Variants in CAMTA1 observed in about 807,000 individuals in gnomAD.
CAMTA1 encodes the protein calmodulin-binding transcription activator 1.
A neutral mutation model predicts 170.9 loss-of-function variants in CAMTA1; 27 were observed. The observed-to-expected ratio is 0.16, with a 90% confidence interval of 0.12 to 0.22. The LOEUF is 0.22. Among genes scored for constraint, CAMTA1 ranks in the 10% least tolerant of loss-of-function variants. CAMTA1 has a pLI of 1.00. For missense variants in CAMTA1, 1,619 were observed against 2,217.2 expected, an observed-to-expected ratio of 0.73 and a Z score of 5.42; for synonymous variants, 833 against 891.5, an observed-to-expected ratio of 0.93 and a Z score of 1.17.
chr1:7,373,366 C>A (rs1304686997), intron 5 of CAMTA1, among the ~76,000 whole-genome samples: 1 of 152,226 alleles, frequency 6.6e-6, no homozygotes, highest in Non-Finnish European at 1.5e-5. Context: ...GATTTCAGTT[C>A]CCCCAGCCCC....
At position 7,108,384 on chromosome 1, in the gene CAMTA1, G is replaced by C. The variant is rs148656837; in HGVS notation, c.302+17013G>C. 1.8e-3 allele frequency among the ~76,000 whole-genome samples: 281 copies of C among 152,324 alleles called. 1 individual carries two copies. The highest frequency in any genetic ancestry group is 6.5e-3 in the African/African-American group (269 of 41,566). ...GGCTTAGTGTCATTGGTGTATTCAT[G>C]ATGATGATCTCCCCAGGAATCTGTT... On this transcript the variant is annotated intron_variant, in intron 4 of 22. Transcript: ENST00000303635.
At position 7,481,574 on chromosome 1, in the gene CAMTA1, A is replaced by G. The variant is rs540781538; in HGVS notation, c.510+13673A>G. 5.9e-5 allele frequency among the ~76,000 whole-genome samples: 9 copies of G among 152,254 alleles called. No homozygotes were observed. The South Asian group carries it at 1.7e-3, about 28-fold the overall frequency. On this transcript the variant is annotated intron_variant, in intron 6 of 22. Transcript: ENST00000303635. ...GTTCCTCCCTCCCCAGCATTTTATG[A>G]TGAAATGTTTATGATATACAGAAAA... is the stretch of plus-strand genomic sequence containing the variant.
chr1:6,864,898 T>G (rs920741108), intron 3 of CAMTA1, among the ~76,000 whole-genome samples: 3 of 152,196 alleles, frequency 2.0e-5, no homozygotes, highest in African/African-American at 7.2e-5. Context: ...TGTGTGTCCC[T>G]GTTACCTGTA....
chr1:6,819,985 C>T (rs909615816), intron 1 of CAMTA1, among the ~76,000 whole-genome samples, 196 bp from the exon 2 acceptor site: 1 of 152,124 alleles, frequency 6.6e-6, no homozygotes, highest in African/African-American at 2.4e-5. Flanking sequence ...AGTTTTCAGT[C>T]CTTTTAGACT....
intron 4 of CAMTA1, among the ~76,000 whole-genome samples, chr1:7,189,260 G>C (rs567863168): frequency 6.6e-6 from 1 of 152,248 alleles, no homozygotes; most frequent in South Asian, 2.1e-4. Flanking sequence ...ATGCCACACA[G>C]AGATTGGAAA....
chr1:7,149,921 C>T (rs1334303798), intron 4 of CAMTA1, among the ~76,000 whole-genome samples: 1 of 152,212 alleles, frequency 6.6e-6, no homozygotes, highest in Non-Finnish European at 1.5e-5. Flanking sequence ...GCCCTGCCTT[C>T]CTTGCCGTAC....
At chr1:7,016,319 G>A (rs1342368337) in intron 3 of CAMTA1, among the ~76,000 whole-genome samples, 1 of 152,154 alleles carries the variant, frequency 6.6e-6, no homozygotes, top group Non-Finnish European at 1.5e-5. Context: ...TTGCCTCATT[G>A]TGTGCATGTC....
intron 4 of CAMTA1, among the ~76,000 whole-genome samples, chr1:7,155,668 T>C (rs1244620818): frequency 6.6e-6 from 1 of 151,924 alleles, no homozygotes; most frequent in Non-Finnish European, 1.5e-5. Context: ...TGAGCTCAAG[T>C]GATCCTCCTA....
chr1:7,727,641 T>C (rs1203678364), intron 11 of CAMTA1, among the ~76,000 whole-genome samples: 2 of 152,284 alleles, frequency 1.3e-5, no homozygotes, highest in Admixed American at 1.3e-4. Flanking sequence ...TCTTTGCTTC[T>C]AAGTAATTGT....
At chr1:6,978,979 G>A (rs1210658375) in intron 3 of CAMTA1, among the ~76,000 whole-genome samples, 2 of 152,186 alleles carry the variant, frequency 1.3e-5, no homozygotes, top group African/African-American at 2.4e-5. Flanking sequence ...GCAGGTATTA[G>A]CCTGGGGAGC....
intron 4 of CAMTA1, among the ~76,000 whole-genome samples, chr1:7,174,828 GC>G (rs568166398): frequency 3.9e-5 from 6 of 152,176 alleles, no homozygotes; most frequent in Non-Finnish European, 8.8e-5. Context: ...AGGCAGAGGT[GC>G]CCTGTCTGTC....
intron 6 of CAMTA1, among the ~76,000 whole-genome samples, chr1:7,621,820 G>A (rs2095600534): frequency 6.6e-6 from 1 of 152,180 alleles, no homozygotes; most frequent in Non-Finnish European, 1.5e-5. Context: ...CTTCCAAGAA[G>A]GTCACTTTGG....
At chr1:6,859,562 A>T (rs962703996) in intron 3 of CAMTA1, among the ~76,000 whole-genome samples, 1 of 152,148 alleles carries the variant, frequency 6.6e-6, no homozygotes, top group Non-Finnish European at 1.5e-5. Context: ...GTCTGGGCAG[A>T]AGGATCACTT....
chr1:7,339,758 G>A (rs377494938), intron 5 of CAMTA1, among the ~76,000 whole-genome samples: 14 of 152,026 alleles, frequency 9.2e-5, no homozygotes, highest in Admixed American at 4.6e-4. Context: ...CACCATGCCC[G>A]GCTAATTTTT....
chr1:7,290,973 G>A (rs1673049366), intron 5 of CAMTA1, among the ~76,000 whole-genome samples: 1 of 152,156 alleles, frequency 6.6e-6, no homozygotes, highest in African/African-American at 2.4e-5. Context: ...TGGCAGAATG[G>A]GAACTGACCC....
rs188957224 is a variant in CAMTA1 at position 7,740,730 on chromosome 1, T to G, written c.4182+2248T>G. 2.6e-5 allele frequency among the ~76,000 whole-genome samples: 4 copies of G among 152,358 alleles called. No homozygotes were observed. In the East Asian group the frequency reaches 7.7e-4, roughly 29 times the overall value. ...TGCAACTCAGGAACTGGGTTTCTAA[T>G]TTTATTTAAGTTTAAATAGCCATTG... On this transcript the variant is annotated intron_variant, in intron 16 of 22. Coordinates refer to ENST00000303635, the MANE Select transcript of CAMTA1 (RefSeq NM_015215.4).
intron 3 of CAMTA1, among the ~76,000 whole-genome samples, chr1:6,843,338 A>G (rs1307079913): frequency 1.3e-5 from 2 of 152,128 alleles, no homozygotes; most frequent in Admixed American, 1.3e-4. Context: ...AGCATTCCTG[A>G]TAAGTGGTCA....
In CAMTA1 at chr1:7,664,053, C is replaced by T. The variant is rs151058967; in HGVS notation, c.1506C>T (p.Gly502=). ...PKQGQTYGGG[G]LKAEMVSSNI... ...AGGGCCAGACGTACGGGGGTGGAGG[C>T]CTGAAAGCCGAGATGGTCAGCTCCA... Residue 502 remains glycine (G), a synonymous_variant, in exon 9 of 23, where the codon GGC becomes GGT. Coordinates refer to ENST00000303635, the MANE Select transcript of CAMTA1 (RefSeq NM_015215.4). 1 of 1,613,720 alleles carries T rather than the reference C, an allele frequency of 6.2e-7. No homozygotes were observed. Among genetic ancestry groups the T allele is most frequent in the African/African-American group, 1.3e-5 (1 of 74,938 alleles).
chr1:7,766,862 A>G lies in CAMTA1; in HGVS notation c.*371A>G, dbSNP rs2097027716. Reference sequence around the variant, plus strand: ...GTATTCAAACATCGTGTGGAACTGTACAAATATTTATACCAAAAATATAGA... The same window carrying G: ...GTATTCAAACATCGTGTGGAACTGTGCAAATATTTATACCAAAAATATAGA... On this transcript the variant is annotated 3_prime_UTR_variant, in exon 23 of 23. Coordinates refer to ENST00000303635, the MANE Select transcript of CAMTA1 (RefSeq NM_015215.4). 5.2e-6 allele frequency: 1 copy of G among 191,758 alleles called. No individual in the cohort carries two copies. The highest frequency in any genetic ancestry group is 2.3e-5 in the African/African-American group (1 of 43,076). The allele number at this position is 191,758 out of a possible 1,614,324, so 11.9% of individuals were successfully genotyped here. A position where few individuals can be genotyped will look rare whatever the true frequency, so the allele number is the denominator to read the frequency against.
Sources: allele counts gnomAD v4.1 joint callset (sites outside exome capture counted in the v4.1 genomes callset), GRCh38; gene constraint gnomAD v4.1.1; transcripts MANE v1.5; gene names NCBI Gene and HGNC (gene_info 2026-07-23, HGNC 2026-07-21).